Variants in UHRF2 observed in about 807,000 individuals in gnomAD.
UHRF2 encodes the protein ubiquitin like with PHD and ring finger domains 2.
In UHRF2, 23 loss-of-function variants were observed where a neutral mutation model predicts 96.8. The observed-to-expected ratio is 0.24, with a 90% confidence interval of 0.17 to 0.34. UHRF2 has a LOEUF of 0.34. Among genes scored for constraint, UHRF2 ranks in the 10% least tolerant of loss-of-function variants. The pLI is 1.00. For missense variants in UHRF2, 685 were observed against 981.5 expected, an observed-to-expected ratio of 0.70 and a Z score of 4.04; for synonymous variants, 385 against 332.6, an observed-to-expected ratio of 1.16 and a Z score of -1.72.
rs1824688493 is a variant in UHRF2, at chr9:6,491,995, A to G, written c.1498-1831A>G. Among the ~76,000 whole-genome samples, 2 of 152,186 alleles carry G rather than the reference A, an allele frequency of 1.3e-5. 1 individual carries two copies. The highest frequency in any genetic ancestry group is 1.3e-4 in the Admixed American group (2 of 15,280). ...CAGGCCAACTGCTTTGGCCTCCCAC[A>G]GTGCTGGGATTACAGGCATGAATCA... On this transcript the variant is annotated intron_variant, in intron 9 of 15. Coordinates refer to ENST00000276893, the MANE Select transcript of UHRF2 (RefSeq NM_152896.3).
At chr9:6,493,756 C>A in intron 9 of UHRF2, 70 bp from the exon 10 acceptor site, 1 of 1,351,984 alleles carries the variant, frequency 7.4e-7, no homozygotes, top group Non-Finnish European at 1.0e-6. Context: ...AATGTTTTGA[C>A]TCTGAAATAA....
At position 6,482,818 on chromosome 9, in the gene UHRF2, G is replaced by C. The variant is rs11787605; in HGVS notation, c.1392+719G>C. Among the ~76,000 whole-genome samples the C allele has an allele frequency of 6.4e-3, 969 of 152,196 alleles. 1 individual carries two copies. The highest frequency in any genetic ancestry group is 9.0e-3 in the Non-Finnish European group (612 of 68,002). On this transcript the variant is annotated intron_variant, in intron 8 of 15. Coordinates refer to ENST00000276893, the MANE Select transcript of UHRF2 (RefSeq NM_152896.3). ...TCACCGTGTTAGCCAGGATGGTCTC[G>C]ATCTCCTAACCTCGTGATCCACCTG... is the stretch of plus-strand genomic sequence containing the variant.
chr9:6,469,498 CAG>C (rs1563782535), intron 4 of UHRF2, among the ~76,000 whole-genome samples: 1 of 151,222 alleles, frequency 6.6e-6, no homozygotes, highest in East Asian at 1.9e-4. Context: ...AGCCTGGCGA[CAG>C]AGCGAGACTC....
At position 6,504,428 on chromosome 9, in the gene UHRF2, A is replaced by G. The variant is rs943177547; in HGVS notation, c.2164-165A>G. On this transcript the variant is annotated intron_variant, in intron 14 of 15. Transcript: ENST00000276893. ...AAATTTTGATATGTTCATATAACAT[A>G]TAATAAATCAGGGTAATTGGAATGT... The G allele has an allele frequency of 7.7e-6, 4 of 517,158 alleles. No homozygotes were observed. The African/African-American group carries it at 8.0e-5, about 10-fold the overall frequency. The allele number at this position is 517,158 out of a possible 1,614,324, so 32.0% of individuals were successfully genotyped here.
At chr9:6,489,126 T>C (rs1661081834) in intron 9 of UHRF2, among the ~76,000 whole-genome samples, 1 of 152,200 alleles carries the variant, frequency 6.6e-6, no homozygotes, top group Non-Finnish European at 1.5e-5. Flanking sequence ...CTTCCTGTAA[T>C]TTTCTCACTT....
chr9:6,449,992 T>G (rs900820718), intron 3 of UHRF2, among the ~76,000 whole-genome samples: 2 of 152,102 alleles, frequency 1.3e-5, no homozygotes, highest in African/African-American at 4.8e-5. Flanking sequence ...TTGTTGTTTG[T>G]TTTTTGTTTG....
rs765542504 is a variant in UHRF2 at position 6,475,520 on chromosome 9, G to T, written c.973+20G>T. On this transcript the variant is annotated intron_variant, in intron 5 of 15. Transcript: ENST00000276893. ...TTTTAAGTATGGATTTTTGTTTTTG[G>T]TCTTAGACTACATGTGTTGTACATG... The T allele has an allele frequency of 3.4e-6, 5 of 1,475,328 alleles. No individual in the cohort carries two copies. The South Asian group carries it at 6.3e-5, about 19-fold the overall frequency. 91.4% of individuals were successfully genotyped at this position (1,475,328 alleles called of 1,614,324 possible). A position where few individuals can be genotyped will look rare whatever the true frequency, so the allele number is the denominator to read the frequency against.
intron 3 of UHRF2, among the ~76,000 whole-genome samples, chr9:6,440,045 T>C (rs1821074494): frequency 1.3e-5 from 2 of 152,206 alleles, no homozygotes; most frequent in African/African-American, 4.8e-5. Flanking sequence ...TTCCCATCAA[T>C]TATCCTTTCT....
chr9:6,455,320 G>A lies in UHRF2; in HGVS notation c.645-5253G>A, dbSNP rs192236514. 9.3e-4 allele frequency among the ~76,000 whole-genome samples: 141 copies of A among 152,182 alleles called. 2 individuals are homozygous for A. Among genetic ancestry groups the A allele is most frequent in the Admixed American group, 7.5e-3 (114 of 15,294 alleles). On this transcript the variant is annotated intron_variant, in intron 3 of 15. Coordinates refer to ENST00000276893, the MANE Select transcript of UHRF2 (RefSeq NM_152896.3). ...CACCCCACAACAGGCCCGGGTGTGC[G>A]ATGTTCCCCTTCCTGTGTCCAAGTG...
intron 12 of UHRF2, chr9:6,498,360 G>C (rs575500686): frequency 2.1e-6 from 1 of 472,244 alleles, no homozygotes; most frequent in African/African-American, 2.0e-5. Flanking sequence ...ACCAAGGGTT[G>C]TGCTTGGGAA....
intron 2 of UHRF2, among the ~76,000 whole-genome samples, chr9:6,426,757 A>G (rs1450787680): frequency 6.6e-6 from 1 of 151,862 alleles, no homozygotes; most frequent in Non-Finnish European, 1.5e-5. Flanking sequence ...TTTTTATTTT[A>G]TTTTATTTTT....
chr9:6,432,863 C>CA (rs1309537941), intron 2 of UHRF2, among the ~76,000 whole-genome samples: 1 of 150,224 alleles, frequency 6.7e-6, no homozygotes, highest in Admixed American at 6.6e-5. Context: ...CTTTTTGAGA[C>CA]AGAGTCTTGC....
chr9:6,430,091 A>C (rs1256320183), intron 2 of UHRF2, among the ~76,000 whole-genome samples: 1 of 152,034 alleles, frequency 6.6e-6, no homozygotes, highest in Admixed American at 6.6e-5. Flanking sequence ...GCCCATTACA[A>C]CCTCCACCTC....
chr9:6,481,720 C>T lies in UHRF2; in HGVS notation c.1238C>T (p.Ala413Val). The stretch of plus-strand genomic sequence containing the variant: ...AGACTCAAGATGAGTAAAAAGAAAG[C>T]AAAGATGCCGTCAGCTAGTACTGAA... ...GERLKMSKKK[A>V]KMPSASTESR... The change falls in exon 7 of 16, where the codon GCA becomes GTA. Residue 413 changes from alanine to valine, a missense_variant. Physicochemically the swap from Ala to Val is moderately conservative, Grantham distance 64. This residue lies in a region of UHRF2 where 391 missense variants were observed against 437.0 expected (regional missense o/e 0.89). Coordinates refer to ENST00000276893, the MANE Select transcript of UHRF2 (RefSeq NM_152896.3). 6.2e-7 allele frequency: 1 copy of T among 1,613,794 alleles called. No homozygotes were observed. Among genetic ancestry groups the T allele is most frequent in the Non-Finnish European group, 8.5e-7 (1 of 1,179,840 alleles).
chr9:6,495,923 C>T lies in UHRF2; in HGVS notation c.1605-1275C>T, dbSNP rs200220456. ...ATATCTCAATAGGTATTCTGTAAGA[C>T]GTAATAGTAGCCCTAGAGTTGATGG... On this transcript the variant is annotated intron_variant, in intron 10 of 15. Coordinates refer to ENST00000276893, the MANE Select transcript of UHRF2 (RefSeq NM_152896.3). The T allele has an allele frequency of 4.6e-5, 7 of 151,810 alleles. No homozygotes were observed. The East Asian group carries it at 5.8e-4, about 13-fold the overall frequency. 9.4% of individuals were successfully genotyped at this position (151,810 alleles called of 1,614,324 possible). A position where few individuals can be genotyped will look rare whatever the true frequency, so the allele number is the denominator to read the frequency against.
intron 2 of UHRF2, among the ~76,000 whole-genome samples, chr9:6,432,685 A>G (rs1052566400): frequency 6.6e-6 from 1 of 152,240 alleles, no homozygotes; most frequent in Non-Finnish European, 1.5e-5. Flanking sequence ...TATGCCATCT[A>G]TTAGACACCT....
At chr9:6,493,369 A>G (rs1469133267) in intron 9 of UHRF2, among the ~76,000 whole-genome samples, 1 of 152,192 alleles carries the variant, frequency 6.6e-6, no homozygotes, top group Admixed American at 6.5e-5. Context: ...CAATGCCAGA[A>G]TTTGAAATTT....
chr9:6,487,676 A>T (rs1824389433), intron 9 of UHRF2, among the ~76,000 whole-genome samples: 1 of 151,952 alleles, frequency 6.6e-6, no homozygotes. Context: ...CAATTTTTGT[A>T]TTTTTAGTAG....
In UHRF2 at chr9:6,451,182, T is replaced by G. The variant is rs1821838027; in HGVS notation, c.645-9391T>G. Among the ~76,000 whole-genome samples, 3 of 144,434 alleles carry G rather than the reference T, an allele frequency of 2.1e-5. No homozygotes were observed. In the Admixed American group the frequency reaches 2.1e-4, roughly 10 times the overall value. 94.8% of individuals were successfully genotyped at this position (144,434 alleles called of 152,430 possible). A position where few individuals can be genotyped will look rare whatever the true frequency, so the allele number is the denominator to read the frequency against. On this transcript the variant is annotated intron_variant, in intron 3 of 15. Coordinates refer to ENST00000276893, the MANE Select transcript of UHRF2 (RefSeq NM_152896.3). Reference sequence around the variant, plus strand: ...AATAGGACTACTGAAAAGTTACGTGTTTTTTTTGTCTTTAGGAAATATATC... The same window carrying G: ...AATAGGACTACTGAAAAGTTACGTGGTTTTTTTGTCTTTAGGAAATATATC...
Sources: gnomAD v4.1 joint callset for allele counts (sites outside exome capture counted in the v4.1 genomes callset) on GRCh38, gnomAD v4.1.1 for gene constraint, gnomAD v4.1.1 regional missense constraint, MANE v1.5 for transcripts, NCBI Gene and HGNC (gene_info 2026-07-23, HGNC 2026-07-21) for gene names.